SPOCK1: variants seen among roughly 807,000 people sequenced by gnomAD.
SPOCK1 encodes the protein testican-1.
A neutral mutation model predicts 55.3 loss-of-function variants in SPOCK1; 23 were observed. The observed-to-expected ratio is 0.42, with a 90% confidence interval of 0.30 to 0.59. The LOEUF (loss-of-function observed/expected upper bound fraction) is 0.59. SPOCK1 is among the 20% of genes least tolerant of loss of function. The pLI is 0.22. For synonymous variants in SPOCK1, 226 were observed against 221.0 expected, an observed-to-expected ratio of 1.02 and a Z score of -0.20; for missense variants, 499 against 552.5, an observed-to-expected ratio of 0.90 and a Z score of 0.97.
At chr5:137,178,285 G>T (rs758295170) in intron 3 of SPOCK1, among the ~76,000 whole-genome samples, 35 of 152,318 alleles carry the variant, frequency 2.3e-4, no homozygotes, top group Middle Eastern at 6.8e-3. Context: ...CCTGTGCTTG[G>T]CACATGGTAA....
At chr5:137,402,224 T>C (rs1694003910) in intron 2 of SPOCK1, among the ~76,000 whole-genome samples, 1 of 152,188 alleles carries the variant, frequency 6.6e-6, no homozygotes, top group Non-Finnish European at 1.5e-5. Flanking sequence ...TTCATTTGCT[T>C]CAGTAGAAGC....
intron 2 of SPOCK1, among the ~76,000 whole-genome samples, chr5:137,293,889 C>T (rs184898657): frequency 1.2e-3 from 181 of 152,250 alleles, no homozygotes; most frequent in African/African-American, 4.3e-3. Context: ...TGGTGGCATG[C>T]GCCTGTAGTC....
rs930394854 is a variant in SPOCK1, at chr5:137,168,501, T to C, written c.233-27807A>G. ...AATATATAAGGAGGTCAAACAACTC[T>C]AGAGGAAAAAAATCTAATAATCTGA... On this transcript the variant is annotated intron_variant, in intron 3 of 10. Transcript: ENST00000394945. Among the ~76,000 whole-genome samples, 6 of 151,970 alleles carry C rather than the reference T, an allele frequency of 3.9e-5. No homozygotes were observed. In the East Asian group the frequency reaches 9.6e-4, roughly 24 times the overall value.
intron 2 of SPOCK1, among the ~76,000 whole-genome samples, chr5:137,422,517 C>T (rs1405669533): frequency 6.6e-6 from 1 of 152,180 alleles, no homozygotes; most frequent in Non-Finnish European, 1.5e-5. Flanking sequence ...CTTCTCTTAT[C>T]GCATCATTTC....
At position 137,332,216 on chromosome 5, in the gene SPOCK1, C is replaced by T. The variant is rs372034047; in HGVS notation, c.187-65161G>A. Among the ~76,000 whole-genome samples the T allele has an allele frequency of 1.1e-4, 17 of 152,138 alleles. No individual in the cohort carries two copies. In the South Asian group the frequency reaches 2.3e-3, roughly 21 times the overall value. The stretch of plus-strand genomic sequence containing the variant: ...CCACCCTTCCCTCTGTCTCGACACT[C>T]CCCCCCAGCCCTCTTCACAAGACTG... On this transcript the variant is annotated intron_variant, in intron 2 of 10. Transcript: ENST00000394945.
chr5:137,001,666 T>C (rs1172184783), intron 6 of SPOCK1, among the ~76,000 whole-genome samples: 1 of 152,302 alleles, frequency 6.6e-6, no homozygotes, highest in Non-Finnish European at 1.5e-5. Context: ...CTTGCTCTTC[T>C]CTGATCCCCT....
intron 6 of SPOCK1, among the ~76,000 whole-genome samples, chr5:137,024,319 G>GGGT (rs528076126): frequency 4.0e-5 from 6 of 148,274 alleles, no homozygotes; most frequent in Middle Eastern, 3.4e-3. Flanking sequence ...TTTGAAGGGG[G>GGGT]GGGGGTAGTT....
intron 2 of SPOCK1, among the ~76,000 whole-genome samples, chr5:137,417,988 T>C (rs991846411): frequency 1.3e-5 from 2 of 152,160 alleles, no homozygotes; most frequent in African/African-American, 4.8e-5. Flanking sequence ...TGGTGTGTGA[T>C]GTTCCCCTTC....
At chr5:137,298,445 A>T (rs991211978) in intron 2 of SPOCK1, among the ~76,000 whole-genome samples, 8 of 152,208 alleles carry the variant, frequency 5.3e-5, no homozygotes, top group Admixed American at 3.3e-4. Flanking sequence ...TTCCACAAGC[A>T]CTTATTAAAA....
chr5:137,417,753 T>A (rs6596376), intron 2 of SPOCK1, among the ~76,000 whole-genome samples: 1 of 152,228 alleles, frequency 6.6e-6, no homozygotes, highest in Non-Finnish European at 1.5e-5. Flanking sequence ...GTATTTCAGT[T>A]TTTTTGGAAA....
intron 2 of SPOCK1, among the ~76,000 whole-genome samples, chr5:137,318,163 T>G (rs1757916288): frequency 1.3e-5 from 2 of 152,156 alleles, no homozygotes; most frequent in African/African-American, 4.8e-5. Context: ...AAATATGTAA[T>G]CCATTCCTCT....
chr5:137,393,843 A>C (rs961705016), intron 2 of SPOCK1, among the ~76,000 whole-genome samples: 1 of 152,270 alleles, frequency 6.6e-6, no homozygotes, highest in Non-Finnish European at 1.5e-5. Context: ...TAAGTGAATG[A>C]ATGTCCATGA....
intron 2 of SPOCK1, among the ~76,000 whole-genome samples, chr5:137,391,575 C>T (rs1056455865): frequency 6.6e-6 from 1 of 152,070 alleles, no homozygotes; most frequent in African/African-American, 2.4e-5. Context: ...TGGTGACTAC[C>T]CCATGACAGA....
At chr5:137,364,604 A>G (rs1751018184) in intron 2 of SPOCK1, among the ~76,000 whole-genome samples, 1 of 152,176 alleles carries the variant, frequency 6.6e-6, no homozygotes, top group African/African-American at 2.4e-5. Context: ...CACCTAAGAC[A>G]AGGGCAATTT....
chr5:137,074,091 A>T (rs1353268083), intron 5 of SPOCK1, among the ~76,000 whole-genome samples: 1 of 152,218 alleles, frequency 6.6e-6, no homozygotes, highest in Non-Finnish European at 1.5e-5. Context: ...TCCAAAATTG[A>T]GGACATTTTA....
intron 2 of SPOCK1, among the ~76,000 whole-genome samples, chr5:137,396,600 A>G (rs1457311663): frequency 1.3e-5 from 2 of 152,216 alleles, no homozygotes; most frequent in African/African-American, 2.4e-5. Context: ...GCTACCTATG[A>G]GCACACATCT....
At chr5:136,993,065 C>CTAAT (rs1188896551) in intron 6 of SPOCK1, 1 of 152,618 alleles carries the variant, frequency 6.6e-6, no homozygotes, top group Non-Finnish European at 1.5e-5. Flanking sequence ...TAGCAGACTC[C>CTAAT]TAATTTTGTC....
chr5:137,101,369 T>A (rs1753262187), intron 5 of SPOCK1, among the ~76,000 whole-genome samples: 1 of 152,230 alleles, frequency 6.6e-6, no homozygotes, highest in South Asian at 2.1e-4. Flanking sequence ...AGCATCTTCG[T>A]GTTCAGGTAA....
intron 2 of SPOCK1, among the ~76,000 whole-genome samples, chr5:137,368,356 G>T (rs1290538475): frequency 6.6e-6 from 1 of 152,320 alleles, no homozygotes. Flanking sequence ...CACACAGAAA[G>T]GGAGCACAGG....
Sources: allele counts gnomAD v4.1 joint callset (sites outside exome capture counted in the v4.1 genomes callset), GRCh38; gene constraint gnomAD v4.1.1; transcripts MANE v1.5; gene names NCBI Gene and HGNC (gene_info 2026-07-23, HGNC 2026-07-21).